Variants in TMC5 observed in about 807,000 individuals in gnomAD.
TMC5 encodes transmembrane channel-like protein 5.
Under a neutral mutation model 110.5 loss-of-function variants are expected in TMC5, and 86 were observed. The ratio of observed to expected loss-of-function variants is 0.78; its 90% CI spans 0.65 to 0.93. TMC5 has a LOEUF of 0.93. Among genes scored for constraint, TMC5 ranks in the 40% least tolerant of loss-of-function variants. The pLI is 0.00. For synonymous variants in TMC5, 455 were observed against 439.5 expected, an observed-to-expected ratio of 1.04 and a Z score of -0.44; for missense variants, 1,144 against 1,222.8, an observed-to-expected ratio of 0.94 and a Z score of 0.96.
intron 3 of TMC5, 109 bp from the exon 4 acceptor site, chr16:19,443,968 GATAA>G: frequency 9.0e-7 from 1 of 1,111,926 alleles, no homozygotes; most frequent in Non-Finnish European, 1.3e-6. Context: ...TAAATGGATG[GATAA>G]ATAAATGGAT....
rs1326092681 is a variant in TMC5 at position 19,430,681 on chromosome 16, T to G, written c.-80+41T>G. ...GCTGAATTTATTCGGTTAAATAAAC[T>G]ACCCTTCTTTTTGAGATGGGGTCTC... On this transcript the variant is annotated intron_variant, in intron 2 of 21. Transcript: ENST00000542583. 3.3e-5 allele frequency: 5 copies of G among 152,166 alleles called. No homozygotes were observed. In the East Asian group the frequency reaches 9.6e-4, roughly 29 times the overall value. The allele number at this position is 152,166 out of a possible 1,614,324, so 9.4% of individuals were successfully genotyped here. A position where few individuals can be genotyped will look rare whatever the true frequency, so the allele number is the denominator to read the frequency against.
Position 19,432,513 on chromosome 16 carries a change from TA to T in TMC5, c.-80+1875del, listed in dbSNP as rs1967215348. ...CTGCAGCATACCTCATTTACTCCTC[TA>T]ATAGTTAACAGGAAGCTAAGGGTAA... is the stretch of plus-strand genomic sequence containing the variant. On this transcript the variant is annotated intron_variant, in intron 2 of 21. Coordinates refer to ENST00000542583, the MANE Select transcript of TMC5 (RefSeq NM_001261841.2). 2.0e-5 allele frequency among the ~76,000 whole-genome samples: 3 copies of T among 152,322 alleles called. No individual in the cohort carries two copies. In the South Asian group the frequency reaches 6.2e-4, roughly 32 times the overall value.
chr16:19,466,436 C>T (rs181972790), intron 9 of TMC5, among the ~76,000 whole-genome samples: 13 of 152,298 alleles, frequency 8.5e-5, no homozygotes, highest in Non-Finnish European at 1.3e-4. Context: ...ACTGCAACCT[C>T]CACCTCCCAG....
chr16:19,482,782 T>G (rs1163951015), intron 15 of TMC5, among the ~76,000 whole-genome samples: 3 of 152,234 alleles, frequency 2.0e-5, no homozygotes, highest in Non-Finnish European at 4.4e-5. Context: ...AATAGCCAAC[T>G]GGTTGCAGCA....
intron 15 of TMC5, among the ~76,000 whole-genome samples, chr16:19,482,266 C>A (rs889928114): frequency 6.6e-6 from 1 of 152,086 alleles, no homozygotes; most frequent in African/African-American, 2.4e-5. Flanking sequence ...TCATGTTGGC[C>A]AGGCTGGTCT....
intron 5 of TMC5, among the ~76,000 whole-genome samples, chr16:19,457,333 G>A (rs1967904438): frequency 6.6e-6 from 1 of 152,170 alleles, no homozygotes; most frequent in Non-Finnish European, 1.5e-5. Context: ...GTTGGAGGCT[G>A]CAGCAAGCTC....
At chr16:19,435,264 G>A (rs1188640275) in intron 2 of TMC5, among the ~76,000 whole-genome samples, 1 of 151,792 alleles carries the variant, frequency 6.6e-6, no homozygotes, top group East Asian at 1.9e-4. Flanking sequence ...CGCCAAGGCG[G>A]GTGGATCATG....
intron 10 of TMC5, among the ~76,000 whole-genome samples, chr16:19,470,630 C>T (rs73540130): frequency 2.0e-5 from 3 of 146,848 alleles, no homozygotes; most frequent in Middle Eastern, 3.5e-3. Flanking sequence ...TCCTACAATG[C>T]GTAGAACAGC....
chr16:19,467,407 A>G (rs1012875658), intron 9 of TMC5, among the ~76,000 whole-genome samples: 6 of 152,076 alleles, frequency 3.9e-5, no homozygotes, highest in Non-Finnish European at 8.8e-5. Context: ...CCTTTTTTAT[A>G]AAGATGCCAT....
At chr16:19,494,407 C>A in intron 20 of TMC5, 41 bp downstream of exon 20, 3 of 1,474,310 alleles carry the variant, frequency 2.0e-6, no homozygotes, top group Non-Finnish European at 2.8e-6. Context: ...GGGACACGAG[C>A]TTGCCTCCAT....
At chr16:19,481,975 C>T (rs1487152604) in intron 15 of TMC5, among the ~76,000 whole-genome samples, 1 of 152,192 alleles carries the variant, frequency 6.6e-6, no homozygotes, top group African/African-American at 2.4e-5. Flanking sequence ...TAAGCAGGGC[C>T]TCACCAGACA....
chr16:19,413,523 C>CAAAAAA (rs869158130), upstream of TMC5, among the ~76,000 whole-genome samples: 7 of 52,980 alleles, frequency 1.3e-4, no homozygotes, highest in African/African-American at 2.9e-4. Context: ...AACCCTGCCT[C>CAAAAAA]AAAAAAAAAA....
chr16:19,444,048 G>A, intron 3 of TMC5, 33 bp from the exon 4 acceptor site: 1 of 1,597,644 alleles, frequency 6.3e-7, no homozygotes, highest in Non-Finnish European at 8.6e-7. Flanking sequence ...CTATACTCTT[G>A]GTTGGATAGT....
At chr16:19,435,002 C>T (rs965836089) in intron 2 of TMC5, among the ~76,000 whole-genome samples, 13 of 152,076 alleles carry the variant, frequency 8.5e-5, no homozygotes, top group African/African-American at 2.7e-4. Context: ...ATTCAGGTAA[C>T]GTATATTCAC....
chr16:19,475,531 G>A (rs781721866), intron 12 of TMC5, among the ~76,000 whole-genome samples: 2 of 151,920 alleles, frequency 1.3e-5, no homozygotes, highest in Non-Finnish European at 2.9e-5. Flanking sequence ...CCCGGCCAGC[G>A]CTCCAGCCTC....
chr16:19,472,088 G>A lies in TMC5; in HGVS notation c.1783G>A (p.Glu595Lys). The change falls in exon 11 of 22, where the codon GAG becomes AAG. Residue 595 changes from glutamate to lysine, a missense_variant and splice_region_variant. Physicochemically the swap from Glu to Lys is moderately conservative, Grantham distance 56. Coordinates refer to ENST00000542583, the MANE Select transcript of TMC5 (RefSeq NM_001261841.2). ...KQKNLSTEIR[E>K]NLSELRQENS... ...AAACTTGACTTTCTTATGTTTCTAG[G>A]AGAACCTGTCAGAGCTCCGTCAGGA... 6.2e-7 allele frequency: 1 copy of A among 1,613,834 alleles called. No individual in the cohort carries two copies. Among genetic ancestry groups the A allele is most frequent in the Non-Finnish European group, 8.5e-7 (1 of 1,179,856 alleles).
Position 19,469,844 on chromosome 16 carries a change from A to G in TMC5, c.1782+19A>G. ...GATAAGGGTAAGGCGAGCTCACTTT[A>G]CTCATTTGCCATCGGCTGGTCTCCT... On this transcript the variant is annotated intron_variant, in intron 10 of 21. Transcript: ENST00000542583. The G allele has an allele frequency of 6.2e-7, 1 of 1,612,276 alleles. No homozygotes were observed. Among genetic ancestry groups the G allele is most frequent in the South Asian group, 1.1e-5 (1 of 91,014 alleles).
chr16:19,485,159 G>A (rs1024863705), intron 15 of TMC5, among the ~76,000 whole-genome samples: 9 of 143,236 alleles, frequency 6.3e-5, no homozygotes, highest in African/African-American at 2.4e-4. Context: ...TAATGCCATG[G>A]TAGATGATAA....
At chr16:19,474,021 G>A in intron 11 of TMC5, 104 bp from the exon 12 acceptor site, 1 of 1,089,530 alleles carries the variant, frequency 9.2e-7, no homozygotes, top group Non-Finnish European at 1.3e-6. Flanking sequence ...GTTAACCGCA[G>A]AGGAGCTACT....
Sources: allele counts gnomAD v4.1 joint callset (sites outside exome capture counted in the v4.1 genomes callset), GRCh38; gene constraint gnomAD v4.1.1; transcripts MANE v1.5; gene names NCBI Gene and HGNC (gene_info 2026-07-23, HGNC 2026-07-21).